Variants in RBP3 observed in about 807,000 individuals in gnomAD.
RBP3 encodes retinol binding protein 3.
RBP3 carries 50 observed loss-of-function variants against 64.8 expected under a neutral mutation model. That is an observed-to-expected ratio of 0.77 (90% confidence interval 0.61 to 0.98). The LOEUF (loss-of-function observed/expected upper bound fraction) is 0.98. Ranked by LOEUF, RBP3 falls within the 50% of genes least tolerant of loss-of-function variation. RBP3 has a pLI of 0.00. For missense variants in RBP3, 1,712 were observed against 1,660.5 expected (o/e 1.03, Z -0.54); for synonymous variants, 828 against 730.2 (o/e 1.13, Z -2.16).
Position 47,351,292 on chromosome 10 carries a change from G to T in RBP3, c.2808G>T (p.Lys936Asn). 6 of 1,613,508 alleles carry T rather than the reference G, an allele frequency of 3.7e-6. No homozygotes were observed. Among genetic ancestry groups the T allele is most frequent in the Non-Finnish European group, 5.1e-6 (6 of 1,180,042 alleles). ...IAQDIVALRA[K>N]VPTVLQTAGK... The stretch of plus-strand genomic sequence containing the variant: ...AGGACATAGTGGCTCTGCGTGCCAA[G>T]GTGCCCACGGTGCTGCAGACGGCCG... Residue 936 changes from lysine to asparagine, a missense_variant, in exon 1 of 4, where the codon AAG becomes AAT. Coordinates refer to ENST00000584701, the MANE Select transcript of RBP3 (RefSeq NM_002900.3).
At position 47,348,513 on chromosome 10, in the gene RBP3, C is replaced by T. The variant is rs868953266; in HGVS notation, c.29C>T (p.Ser10Phe). 1 of 1,607,538 alleles carries T rather than the reference C, an allele frequency of 6.2e-7. No homozygotes were observed. Among genetic ancestry groups the T allele is most frequent in the Non-Finnish European group, 8.5e-7 (1 of 1,179,978 alleles). MMREWVLLM[S>F]VLLCGLAGPT... ...ATGAGAGAATGGGTTCTGCTCATGT[C>T]CGTGCTGCTCTGTGGCCTGGCTGGC... is the stretch of plus-strand genomic sequence containing the variant. Residue 10 changes from serine (S) to phenylalanine (F), a missense_variant, in exon 1 of 4, where the codon TCC becomes TTC. Coordinates refer to ENST00000584701, the MANE Select transcript of RBP3 (RefSeq NM_002900.3).
At chr10:47,355,282 C>A in intron 2 of RBP3, 94 bp from the exon 3 acceptor site, 1 of 1,528,766 alleles carries the variant, frequency 6.5e-7, no homozygotes, top group East Asian at 2.3e-5. Context: ...GAATTAGAAC[C>A]CTCCATGGGA....
Position 47,357,086 on chromosome 10 carries a change from G to A in RBP3, c.3389-16G>A, listed in dbSNP as rs373672375. On this transcript the variant is annotated splice_polypyrimidine_tract_variant and intron_variant, in intron 3 of 3. Transcript: ENST00000584701. ...CCTGACATGACCCCCATCCTGAAGG[G>A]CCTTATGTCTTCCAGGTGAACGCTA... 11 of 1,604,414 alleles carry A rather than the reference G, an allele frequency of 6.9e-6. No homozygotes were observed. The highest frequency in any genetic ancestry group is 8.5e-6 in the Non-Finnish European group (10 of 1,178,510).
rs543675915 is a variant in RBP3 at position 47,351,997 on chromosome 10, C to T, written c.3054+459C>T. Among the ~76,000 whole-genome samples the T allele has an allele frequency of 1.9e-4, 29 of 152,258 alleles. No individual in the cohort carries two copies. In the South Asian group the frequency reaches 3.1e-3, roughly 16 times the overall value. On this transcript the variant is annotated intron_variant, in intron 1 of 3. Transcript: ENST00000584701. Reference sequence around the variant, plus strand: ...CCAATGGACTTCACCAAGTGCCCCACGCTGGCCGAGAGCTCCACCTAGGCA... The same window carrying T: ...CCAATGGACTTCACCAAGTGCCCCATGCTGGCCGAGAGCTCCACCTAGGCA...
chr10:47,351,235 T>C lies in RBP3; in HGVS notation c.2751T>C (p.Thr917=). Residue 917 remains threonine (T), a synonymous_variant, in exon 1 of 4, where the codon ACT becomes ACC. Coordinates refer to ENST00000584701, the MANE Select transcript of RBP3 (RefSeq NM_002900.3). ...TGGCTGGTGTGGAGCCCGACATCAC[T>C]GTGCCCATGAGCGAAGCCCTTTCCA... The part of the protein sequence containing the change: ...WDLAGVEPDI[T]VPMSEALSIA... 1 of 1,613,338 alleles carries C rather than the reference T, an allele frequency of 6.2e-7. No individual in the cohort carries two copies. The highest frequency in any genetic ancestry group is 8.5e-7 in the Non-Finnish European group (1 of 1,180,038).
intron 1 of RBP3, among the ~76,000 whole-genome samples, chr10:47,352,568 C>G (rs1237587812): frequency 6.6e-6 from 1 of 152,140 alleles, no homozygotes; most frequent in African/African-American, 2.4e-5. Context: ...AGAGCTGTGA[C>G]TGAGGGCAGG....
At position 47,348,838 on chromosome 10, in the gene RBP3, A is replaced by G. The variant is rs1555210908; in HGVS notation, c.354A>G (p.Gln118=). 2 of 1,613,728 alleles carry G rather than the reference A, an allele frequency of 1.2e-6. No homozygotes were observed. Among genetic ancestry groups the G allele is most frequent in the African/African-American group, 2.7e-5 (2 of 74,924 alleles). ...AAGAGGAACTGCTTGCCTGGCTGCA[A>G]AGGGGCCTCCGCCATGAGGTTCTGG... ...LSEEELLAWL[Q]RGLRHEVLEG... The change falls in exon 1 of 4, where the codon CAA becomes CAG. Residue 118 remains glutamine, a synonymous_variant. Transcript: ENST00000584701.
rs1387598505 is a variant in RBP3, at chr10:47,349,155, A to T, written c.671A>T (p.Asp224Val). The change falls in exon 1 of 4, where the codon GAC (aspartate) becomes GTC (valine). Residue 224 changes from aspartate to valine, a missense_variant. By Grantham distance (152) the Asp-to-Val change is radical. Coordinates refer to ENST00000584701, the MANE Select transcript of RBP3 (RefSeq NM_002900.3). Reference protein sequence around the residue: ...PQVLGERYGADKDVVVLTSSQ... With the variant: ...PQVLGERYGAVKDVVVLTSSQ... ...GTCCTGGGAGAAAGGTACGGTGCCGACAAGGATGTGGTGGTCCTCACCAGC... is the reference window on the plus strand; with the variant it reads ...GTCCTGGGAGAAAGGTACGGTGCCGTCAAGGATGTGGTGGTCCTCACCAGC... 6 of 1,613,778 alleles carry T rather than the reference A, an allele frequency of 3.7e-6. No individual in the cohort carries two copies. The highest frequency in any genetic ancestry group is 5.1e-6 in the Non-Finnish European group (6 of 1,180,050).
intron 3 of RBP3, among the ~76,000 whole-genome samples, chr10:47,356,655 T>A (rs551861365): frequency 6.6e-6 from 1 of 152,244 alleles, no homozygotes; most frequent in African/African-American, 2.4e-5. Context: ...GAACCTAAAA[T>A]GACATCTATG....
rs782516260 is a variant in RBP3, at chr10:47,349,230, T to A, written c.746T>A (p.Met249Lys). The change falls in exon 1 of 4, where the codon ATG becomes AAG. Residue 249 changes from methionine to lysine, a missense_variant. Physicochemically the swap from Met to Lys is moderately conservative, Grantham distance 95. Coordinates refer to ENST00000584701, the MANE Select transcript of RBP3 (RefSeq NM_002900.3). ...GACATCGCGCACATCCTTAAGCAGA[T>A]GCGCAGGGCCATCGTGGTGGGCGAG... Reference protein sequence around the residue: ...AEDIAHILKQMRRAIVVGERT... With the variant: ...AEDIAHILKQKRRAIVVGERT... The A allele has an allele frequency of 1.2e-6, 2 of 1,613,414 alleles. No individual in the cohort carries two copies. The highest frequency in any genetic ancestry group is 2.2e-5 in the East Asian group (1 of 44,870).
intron 2 of RBP3, 67 bp downstream of exon 2, chr10:47,353,582 G>C: frequency 6.3e-7 from 1 of 1,576,922 alleles, no homozygotes; most frequent in Non-Finnish European, 8.7e-7. Flanking sequence ...TCAAAGCTAT[G>C]GGCCACAGCA....
intron 1 of RBP3, among the ~76,000 whole-genome samples, chr10:47,352,492 A>G (rs1359054701): frequency 1.3e-5 from 2 of 152,110 alleles, no homozygotes; most frequent in Non-Finnish European, 2.9e-5. Context: ...TCTACTACAG[A>G]ATTGTTATCC....
Position 47,349,887 on chromosome 10 carries a change from T to C in RBP3, c.1403T>C (p.Leu468Pro). ...PYVLRQVWEP[L>P]QDTEHLIMDL... ...GTCCTGCGCCAGGTGTGGGAGCCGC[T>C]ACAGGACACGGAGCACCTCATCATG... The change falls in exon 1 of 4, where the codon CTA becomes CCA. Residue 468 changes from leucine to proline, a missense_variant. Transcript: ENST00000584701. 1 of 1,613,124 alleles carries C rather than the reference T, an allele frequency of 6.2e-7. No individual in the cohort carries two copies. The highest frequency in any genetic ancestry group is 8.5e-7 in the Non-Finnish European group (1 of 1,179,970).
chr10:47,357,672 C>T lies in RBP3; in HGVS notation c.*215C>T, dbSNP rs1555212102. The T allele has an allele frequency of 2.3e-6, 1 of 440,332 alleles. No homozygotes were observed. The highest frequency in any genetic ancestry group is 2.0e-5 in the African/African-American group (1 of 50,284). 27.3% of individuals were successfully genotyped at this position (440,332 alleles called of 1,614,324 possible). A position where few individuals can be genotyped will look rare whatever the true frequency, so the allele number is the denominator to read the frequency against. ...TGTATATATATGTATATATATATGG[C>T]TTTCCAATAACCACCTAAATTTTAA... On this transcript the variant is annotated 3_prime_UTR_variant, in exon 4 of 4. Transcript: ENST00000584701.
At position 47,350,986 on chromosome 10, in the gene RBP3, C is replaced by T. The variant is rs144836828; in HGVS notation, c.2502C>T (p.Tyr834=). 39 of 1,611,658 alleles carry T rather than the reference C, an allele frequency of 2.4e-5. No homozygotes were observed. Among genetic ancestry groups the T allele is most frequent in the Non-Finnish European group, 3.3e-5 (39 of 1,179,942 alleles). ...TGCCCCAGGTCGCCGGCCAGCGCTA[C>T]GGCTCACACAAGGACCTCTACATCC... ...WTLPQVAGQR[Y]GSHKDLYILM... Residue 834 remains tyrosine (Y), a synonymous_variant, in exon 1 of 4, where the codon TAC becomes TAT. Coordinates refer to ENST00000584701, the MANE Select transcript of RBP3 (RefSeq NM_002900.3).
chr10:47,353,624 G>A (rs1837009520), intron 2 of RBP3, 109 bp downstream of exon 2: 1 of 1,306,162 alleles, frequency 7.7e-7, no homozygotes. Context: ...ACACAGCAGA[G>A]GACCTGAGGG....
At position 47,353,473 on chromosome 10, in the gene RBP3, GGAA is replaced by G. The variant is rs1555211796; in HGVS notation, c.3209_3211del (p.Lys1070del). On this transcript the variant is annotated inframe_deletion, in exon 2 of 4. Coordinates refer to ENST00000584701, the MANE Select transcript of RBP3 (RefSeq NM_002900.3). ...TCCAGGCTGCTGGTGGAGCACATCTGGAAGAAGATCATGCACACGGATGCCATG... is the reference window on the plus strand; with the variant it reads ...TCCAGGCTGCTGGTGGAGCACATCTGGAAGATCATGCACACGGATGCCATG... 3 of 1,614,020 alleles carry G rather than the reference GGAA, an allele frequency of 1.9e-6. No individual in the cohort carries two copies. Among genetic ancestry groups the G allele is most frequent in the East Asian group, 2.2e-5 (1 of 44,884 alleles).
intron 3 of RBP3, 131 bp from the exon 4 acceptor site, chr10:47,356,971 C>A: frequency 2.7e-6 from 2 of 749,566 alleles, no homozygotes; most frequent in Non-Finnish European, 4.4e-6. Context: ...AAGTGGCTCA[C>A]AAGTGGACAC....
chr10:47,348,622 G>T lies in RBP3; in HGVS notation c.138G>T (p.Leu46=). 6.2e-7 allele frequency: 1 copy of T among 1,613,500 alleles called. No homozygotes were observed. Among genetic ancestry groups the T allele is most frequent in the South Asian group, 1.1e-5 (1 of 91,080 alleles). Residue 46 remains leucine, a synonymous_variant, in exon 1 of 4, where the codon CTG becomes CTT. Coordinates refer to ENST00000584701, the MANE Select transcript of RBP3 (RefSeq NM_002900.3). ...LDNYCFPENL[L]GMQEAIQQAI... is the part of the protein sequence containing the mutation. ...ACTACTGCTTCCCGGAGAACCTGCT[G>T]GGCATGCAGGAAGCCATCCAGCAGG...
Sources: gnomAD v4.1 joint callset for allele counts (sites outside exome capture counted in the v4.1 genomes callset) on GRCh38, gnomAD v4.1.1 for gene constraint, MANE v1.5 for transcripts, NCBI Gene and HGNC (gene_info 2026-07-23, HGNC 2026-07-21) for gene names.